Variants in INSC observed in about 807,000 individuals in gnomAD.
INSC encodes INSC spindle orientation adaptor protein.
INSC carries 67 observed loss-of-function variants against 58.6 expected under a neutral mutation model. That is an observed-to-expected ratio of 1.14 (90% CI 0.94 to 1.40). The LOEUF (loss-of-function observed/expected upper bound fraction) is 1.40, where lower values mean the gene tolerates loss of function less well. INSC is among the 40% of genes most tolerant of loss of function. The pLI is 0.00. For missense variants in INSC, 714 were observed against 692.0 expected (o/e 1.03, Z -0.36); for synonymous variants, 262 against 276.1 (o/e 0.95, Z 0.51).
intron 7 of INSC, among the ~76,000 whole-genome samples, chr11:15,220,760 C>T (rs548745264): frequency 2.6e-4 from 39 of 152,276 alleles, no homozygotes; most frequent in African/African-American, 9.1e-4. Flanking sequence ...GCTGTTATGC[C>T]AAGAGCAGAT....
chr11:15,186,509 C>T (rs951328033), intron 5 of INSC, among the ~76,000 whole-genome samples: 10 of 152,104 alleles, frequency 6.6e-5, no homozygotes, highest in Admixed American at 1.3e-4. Flanking sequence ...TTGAGAGAAA[C>T]GAAATCAATT....
At chr11:15,202,019 T>C (rs1346421972) in intron 7 of INSC, among the ~76,000 whole-genome samples, 53 of 152,188 alleles carry the variant, frequency 3.5e-4, no homozygotes, top group Admixed American at 3.4e-3. Flanking sequence ...TGGGACAGGG[T>C]CATAGAATCA....
chr11:15,145,843 G>A (rs987593614), intron 1 of INSC, among the ~76,000 whole-genome samples: 1 of 152,206 alleles, frequency 6.6e-6, no homozygotes, highest in African/African-American at 2.4e-5. Context: ...TGGTGAGAGG[G>A]AAGAGTGCTG....
intron 2 of INSC, among the ~76,000 whole-genome samples, chr11:15,155,866 T>C (rs1328810923): frequency 6.6e-6 from 1 of 152,200 alleles, no homozygotes; most frequent in Non-Finnish European, 1.5e-5. Context: ...CAGGATAAGC[T>C]GGGAATAAGG....
chr11:15,149,333 C>G, intron 2 of INSC, 103 bp downstream of exon 2: 1 of 1,179,558 alleles, frequency 8.5e-7, no homozygotes, highest in Non-Finnish European at 1.1e-6. Flanking sequence ...CATCTTCCCA[C>G]GCAATTTTCT....
chr11:15,122,370 C>G (rs1190180844), intron 1 of INSC, among the ~76,000 whole-genome samples: 1 of 152,144 alleles, frequency 6.6e-6, no homozygotes, highest in Non-Finnish European at 1.5e-5. Context: ...AGGGCCTGAA[C>G]TAAGTTCGAA....
At chr11:15,204,205 A>G (rs1295795068) in intron 7 of INSC, among the ~76,000 whole-genome samples, 1 of 152,214 alleles carries the variant, frequency 6.6e-6, no homozygotes, top group African/African-American at 2.4e-5. Flanking sequence ...ATTCCTTGCC[A>G]TCCTGTTATA....
At chr11:15,121,217 T>C (rs1847864852) in intron 1 of INSC, among the ~76,000 whole-genome samples, 1 of 152,192 alleles carries the variant, frequency 6.6e-6, no homozygotes, top group Non-Finnish European at 1.5e-5. Context: ...GGCTCCCCAA[T>C]CTCCCTCACC....
At chr11:15,114,123 C>T (rs567424481), upstream of INSC, among the ~76,000 whole-genome samples, 6 of 143,108 alleles carry the variant, frequency 4.2e-5, no homozygotes, top group African/African-American at 7.9e-5. Context: ...ATGGCGGAGG[C>T]GGGGGAGGGG....
rs1850141039 is a variant in INSC at position 15,190,825 on chromosome 11, T to C, written c.693+11T>C. ...CGCATCATAGCCAAGGTGAGCTTCATGGTTAGGGACCAAAATGGCAGGCCT... is the reference window on the plus strand; with the variant it reads ...CGCATCATAGCCAAGGTGAGCTTCACGGTTAGGGACCAAAATGGCAGGCCT... On this transcript the variant is annotated intron_variant, in intron 6 of 12. Coordinates refer to ENST00000379556, the MANE Select transcript of INSC (RefSeq NM_001042536.3). The C allele has an allele frequency of 1.3e-6, 2 of 1,589,692 alleles. No individual in the cohort carries two copies. Among genetic ancestry groups the C allele is most frequent in the South Asian group, 1.1e-5 (1 of 90,624 alleles).
rs553238107 is a variant in INSC, at chr11:15,160,235, GA to G, written c.56+11007del. On this transcript the variant is annotated intron_variant, in intron 2 of 12. Transcript: ENST00000379556. ...TGAGGAGTCACAAAGGACTCCTTCA[GA>G]AGAGAGATCAAGGTCAAGACCTCAA... Among the ~76,000 whole-genome samples, 14 of 152,334 alleles carry G rather than the reference GA, an allele frequency of 9.2e-5. No individual in the cohort carries two copies. The South Asian group carries it at 2.9e-3, about 32-fold the overall frequency.
chr11:15,225,965 T>C, intron 9 of INSC, 137 bp downstream of exon 9: 2 of 774,050 alleles, frequency 2.6e-6, no homozygotes, highest in Non-Finnish European at 4.0e-6. Context: ...AGGGCAAATA[T>C]TCTCCACGTT....
intron 12 of INSC, chr11:15,241,422 A>G: frequency 1.9e-6 from 1 of 526,846 alleles, no homozygotes; most frequent in Admixed American, 3.4e-5. Flanking sequence ...GTGCCGTTGT[A>G]GAAACAGTGG....
At chr11:15,180,694 C>CGGGGGGGGGGGGGG (rs756237896) in intron 5 of INSC, among the ~76,000 whole-genome samples, 2 of 41,822 alleles carry the variant, frequency 4.8e-5, no homozygotes, top group Non-Finnish European at 9.1e-5. Context: ...AGGGGGGGGG[C>CGGGGGGGGGGGGGG]GGGGGGGGGT....
At chr11:15,119,857 A>G (rs1328960246) in intron 1 of INSC, among the ~76,000 whole-genome samples, 2 of 152,240 alleles carry the variant, frequency 1.3e-5, no homozygotes, top group Non-Finnish European at 2.9e-5. Flanking sequence ...CATCTGTAAA[A>G]TGGGGTTCCT....
chr11:15,127,036 G>C (rs959705953), intron 1 of INSC, among the ~76,000 whole-genome samples: 1 of 152,224 alleles, frequency 6.6e-6, no homozygotes, highest in African/African-American at 2.4e-5. Context: ...GAGGGGGCCT[G>C]CTGAGAGAGA....
At chr11:15,144,847 G>A (rs1163757921) in intron 1 of INSC, among the ~76,000 whole-genome samples, 2 of 152,186 alleles carry the variant, frequency 1.3e-5, no homozygotes, top group African/African-American at 4.8e-5. Context: ...CTGTCCAAAC[G>A]GAGCTGTTGT....
At chr11:15,183,369 A>T (rs972314893) in intron 5 of INSC, among the ~76,000 whole-genome samples, 161 of 151,676 alleles carry the variant, frequency 1.1e-3, no homozygotes, top group African/African-American at 3.7e-3. Flanking sequence ...AAAAAAAAAA[A>T]ACCAGAAAAA....
intron 1 of INSC, among the ~76,000 whole-genome samples, chr11:15,116,843 T>C (rs867968574): frequency 2.6e-4 from 12 of 46,760 alleles, no homozygotes; most frequent in Non-Finnish European, 3.9e-4. Context: ...CTTTCTTTCT[T>C]TCTTTCTCTC....
Sources: gnomAD v4.1 joint callset for allele counts (sites outside exome capture counted in the v4.1 genomes callset) on GRCh38, gnomAD v4.1.1 for gene constraint, MANE v1.5 for transcripts, NCBI Gene and HGNC (gene_info 2026-07-23, HGNC 2026-07-21) for gene names.